Variants in NFATC3 observed in about 807,000 individuals in gnomAD.
NFATC3 encodes the protein nuclear factor of activated T cells 3.
In NFATC3, 46 loss-of-function variants were observed where a neutral mutation model predicts 98.6. That is an observed-to-expected ratio of 0.47 (90% confidence interval 0.37 to 0.60). The LOEUF (loss-of-function observed/expected upper bound fraction) is 0.60. Ranked by LOEUF, NFATC3 falls within the 20% of genes least tolerant of loss-of-function variation. NFATC3 has a pLI of 0.00. For synonymous variants in NFATC3, 512 were observed against 472.2 expected, an observed-to-expected ratio of 1.08 and a Z score of -1.09; for missense variants, 1,256 against 1,295.5, an observed-to-expected ratio of 0.97 and a Z score of 0.47.
intron 3 of NFATC3, among the ~76,000 whole-genome samples, chr16:68,133,123 G>A (rs1056081243): frequency 1.3e-5 from 2 of 152,128 alleles, no homozygotes; most frequent in African/African-American, 4.8e-5. Flanking sequence ...AAAATTAACT[G>A]GGCGTGGTGG....
At chr16:68,098,396 C>T (rs1363016408) in intron 1 of NFATC3, among the ~76,000 whole-genome samples, 1 of 150,118 alleles carries the variant, frequency 6.7e-6, no homozygotes, top group East Asian at 2.0e-4. Context: ...CCAACTCCCT[C>T]GTTCAAGTTG....
At chr16:68,168,433 G>C (rs913316568) in intron 5 of NFATC3, among the ~76,000 whole-genome samples, 2 of 151,812 alleles carry the variant, frequency 1.3e-5, no homozygotes, top group Non-Finnish European at 2.9e-5. Context: ...AAAGTGCTGG[G>C]ATTACAGGTG....
At chr16:68,187,483 G>A (rs984473434) in intron 8 of NFATC3, among the ~76,000 whole-genome samples, 23 of 152,200 alleles carry the variant, frequency 1.5e-4, no homozygotes, top group Non-Finnish European at 3.2e-4. Flanking sequence ...TGAGCGGGAT[G>A]AAGAGGAGCT....
chr16:68,208,613 C>G (rs752305756), intron 9 of NFATC3, among the ~76,000 whole-genome samples: 47 of 152,004 alleles, frequency 3.1e-4, no homozygotes, highest in Admixed American at 1.4e-3. Flanking sequence ...GCCTGTAATC[C>G]CAGCTATTTG....
chr16:68,192,773 G>A (rs1449260337), intron 9 of NFATC3, among the ~76,000 whole-genome samples: 1 of 152,160 alleles, frequency 6.6e-6, no homozygotes, highest in Non-Finnish European at 1.5e-5. Context: ...TGAGGTGGGA[G>A]GATCACCTGA....
intron 6 of NFATC3, among the ~76,000 whole-genome samples, chr16:68,175,118 G>T (rs1426511250): frequency 6.6e-6 from 1 of 152,194 alleles, no homozygotes; most frequent in Non-Finnish European, 1.5e-5. Flanking sequence ...ACTCATACAT[G>T]CTACAGCATG....
At chr16:68,152,135 G>T (rs1195202783) in intron 3 of NFATC3, among the ~76,000 whole-genome samples, 5 of 150,398 alleles carry the variant, frequency 3.3e-5, no homozygotes, top group African/African-American at 1.2e-4. Context: ...GGCCAAGGTG[G>T]ACGGATCACT....
At chr16:68,102,135 G>C (rs2035397090) in intron 1 of NFATC3, among the ~76,000 whole-genome samples, 1 of 151,974 alleles carries the variant, frequency 6.6e-6, no homozygotes, top group Non-Finnish European at 1.5e-5. Context: ...ACTTTGGGAG[G>C]CTGAGGCAGG....
chr16:68,159,101 G>T (rs984138545), intron 4 of NFATC3, among the ~76,000 whole-genome samples: 11 of 152,124 alleles, frequency 7.2e-5, no homozygotes, highest in African/African-American at 2.4e-4. Flanking sequence ...GTGCGGTTGC[G>T]CCTGTCTGTA....
At chr16:68,091,160 C>G (rs1840692901) in intron 1 of NFATC3, among the ~76,000 whole-genome samples, 1 of 152,130 alleles carries the variant, frequency 6.6e-6, no homozygotes, top group Non-Finnish European at 1.5e-5. Context: ...GGCATATATT[C>G]TTAACTATTA....
intron 3 of NFATC3, among the ~76,000 whole-genome samples, chr16:68,140,781 T>C (rs1321628989): frequency 6.6e-6 from 1 of 152,326 alleles, no homozygotes; most frequent in African/African-American, 2.4e-5. Flanking sequence ...GACTATAGTA[T>C]GTTAATGAAT....
chr16:68,213,974 A>G (rs928129767), intron 9 of NFATC3, among the ~76,000 whole-genome samples: 5 of 152,180 alleles, frequency 3.3e-5, no homozygotes, highest in Non-Finnish European at 5.9e-5. Flanking sequence ...TGCCCAGATA[A>G]TTTTGATGTA....
At position 68,225,510 on chromosome 16, in the gene NFATC3, C is replaced by T. The variant is rs140848560; in HGVS notation, c.3107-840C>T. Reference sequence around the variant, plus strand: ...CATTACATCTCAAGGCTGTATATTCCATTTTATGGATAGAGACAACTTACG... The same window carrying T: ...CATTACATCTCAAGGCTGTATATTCTATTTTATGGATAGAGACAACTTACG... On this transcript the variant is annotated intron_variant, in intron 9 of 9. Transcript: ENST00000346183. 51 of 152,312 alleles carry T rather than the reference C, an allele frequency of 3.3e-4. No homozygotes were observed. The East Asian group carries it at 9.0e-3, about 27-fold the overall frequency. The allele number at this position is 152,312 out of a possible 1,614,324, so 9.4% of individuals were successfully genotyped here. A position where few individuals can be genotyped will look rare whatever the true frequency, so the allele number is the denominator to read the frequency against.
At chr16:68,226,181 G>T (rs1024864166) in intron 9 of NFATC3, 169 bp from the exon 10 acceptor site, 24 of 687,630 alleles carry the variant, frequency 3.5e-5, no homozygotes, top group African/African-American at 3.4e-4. Flanking sequence ...TTTGTGGAGC[G>T]ATGTTTCCAT....
intron 5 of NFATC3, among the ~76,000 whole-genome samples, chr16:68,168,378 G>A (rs1442360319): frequency 1.3e-5 from 2 of 151,612 alleles, no homozygotes; most frequent in African/African-American, 4.9e-5. Context: ...GGCCATGCTG[G>A]TCTCGAAATT....
At chr16:68,169,481 G>A (rs2039361450) in intron 5 of NFATC3, among the ~76,000 whole-genome samples, 1 of 151,938 alleles carries the variant, frequency 6.6e-6, no homozygotes, top group Admixed American at 6.6e-5. Flanking sequence ...TTGAACTCCT[G>A]GACTTAAGTG....
chr16:68,159,317 A>G (rs2038772144), intron 4 of NFATC3, among the ~76,000 whole-genome samples: 1 of 152,262 alleles, frequency 6.6e-6, no homozygotes, highest in South Asian at 2.1e-4. Flanking sequence ...GCAGGCACCT[A>G]TCAGTGGGTA....
chr16:68,208,385 T>G (rs1023731060), intron 9 of NFATC3, among the ~76,000 whole-genome samples: 10 of 152,136 alleles, frequency 6.6e-5, no homozygotes, highest in Non-Finnish European at 1.2e-4. Context: ...TCCTAAGTAT[T>G]TTATTCTTTT....
chr16:68,161,180 TCTTA>T (rs2038876576), intron 4 of NFATC3, among the ~76,000 whole-genome samples: 1 of 152,174 alleles, frequency 6.6e-6, no homozygotes, highest in Non-Finnish European at 1.5e-5. Context: ...TGTTCTGGGA[TCTTA>T]CTTTTTTATA....
Sources: gnomAD v4.1 joint callset for allele counts (sites outside exome capture counted in the v4.1 genomes callset) on GRCh38, gnomAD v4.1.1 for gene constraint, MANE v1.5 for transcripts, NCBI Gene and HGNC (gene_info 2026-07-23, HGNC 2026-07-21) for gene names.